Variants in SDK2 observed in about 807,000 individuals in gnomAD.
SDK2 encodes the protein sidekick cell adhesion molecule 2, also known as protein sidekick-2.
Under a neutral mutation model 253.9 loss-of-function variants are expected in SDK2, and 105 were observed. That is an observed-to-expected ratio of 0.41 (90% CI 0.35 to 0.49). SDK2 has a LOEUF of 0.49. Among genes scored for constraint, SDK2 ranks in the 20% least tolerant of loss-of-function variants. The pLI, the probability that SDK2 is intolerant of heterozygous loss-of-function variation, is 0.06. For missense variants in SDK2, 2,608 were observed against 3,003.0 expected, an observed-to-expected ratio of 0.87 and a Z score of 3.07; for synonymous variants, 1,249 against 1,234.9, an observed-to-expected ratio of 1.01 and a Z score of -0.24.
Position 73,643,958 on chromosome 17 carries a change from C to CCCCCCCCCCCCCCCCCCCCCCCCCA in SDK2, c.64+66_64+67insTGGGGGGGGGGGGGGGGGGGGGGGG. On this transcript the variant is annotated intron_variant, in intron 1 of 44. Coordinates refer to ENST00000392650, the MANE Select transcript of SDK2 (RefSeq NM_001144952.2). This position sits in a 1 kb window ranked among gnomAD's most constrained non-coding sequence, Gnocchi z 6.9. Reference sequence around the variant, plus strand: ...GAGGTCACCGTGAGGCCGGCCAGCTCCCGCCGCCCCTCCCCCGCCCACTCT... The same window carrying CCCCCCCCCCCCCCCCCCCCCCCCCA: ...GAGGTCACCGTGAGGCCGGCCAGCTCCCCCCCCCCCCCCCCCCCCCCCCCACCGCCGCCCCTCCCCCGCCCACTCT... The CCCCCCCCCCCCCCCCCCCCCCCCCA allele has an allele frequency of 1.3e-6, 1 of 794,246 alleles. No individual in the cohort carries two copies. Among genetic ancestry groups the CCCCCCCCCCCCCCCCCCCCCCCCCA allele is most frequent in the Non-Finnish European group, 2.1e-6 (1 of 477,666 alleles). 49.2% of individuals were successfully genotyped at this position (794,246 alleles called of 1,614,324 possible). A position where few individuals can be genotyped will look rare whatever the true frequency, so the allele number is the denominator to read the frequency against.
At chr17:73,367,571 C>T (rs1007380616) in intron 37 of SDK2, among the ~76,000 whole-genome samples, 14 of 152,042 alleles carry the variant, frequency 9.2e-5, no homozygotes, top group Admixed American at 3.9e-4. Flanking sequence ...AGCACAATCT[C>T]GGCTCACTGC....
intron 1 of SDK2, among the ~76,000 whole-genome samples, chr17:73,561,050 A>G (rs1599679682): frequency 6.6e-6 from 1 of 152,290 alleles, no homozygotes; most frequent in Admixed American, 6.5e-5. Flanking sequence ...GGTACAGGAA[A>G]GAGGAGAGAC....
At chr17:73,492,857 A>G (rs2063816066) in intron 2 of SDK2, among the ~76,000 whole-genome samples, 1 of 152,168 alleles carries the variant, frequency 6.6e-6, no homozygotes, top group Admixed American at 6.5e-5. Flanking sequence ...GGCAGCCCCC[A>G]GGAAGCAGGG....
intron 1 of SDK2, among the ~76,000 whole-genome samples, chr17:73,605,959 G>A (rs1013659777): frequency 6.7e-6 from 1 of 150,346 alleles, no homozygotes; most frequent in Non-Finnish European, 1.5e-5. Flanking sequence ...GTAGAGTTTG[G>A]TTTTTTCCTT....
Position 73,422,340 on chromosome 17 carries a change from A to G in SDK2, c.1992T>C (p.Arg664=), listed in dbSNP as rs2063239189. Residue 664 remains arginine (R), a synonymous_variant, in exon 15 of 45, where the codon CGT becomes CGC. Coordinates refer to ENST00000392650, the MANE Select transcript of SDK2 (RefSeq NM_001144952.2). ...TCCCCACGTCGTTGACGGCACAAAG[A>G]CGGAACTGGTAGGAGCGTGCAGGAA... ...GLVPARSYQF[R]LCAVNDVGKG... 2 of 1,613,800 alleles carry G rather than the reference A, an allele frequency of 1.2e-6. No homozygotes were observed. Among genetic ancestry groups the G allele is most frequent in the Non-Finnish European group, 8.5e-7 (1 of 1,179,868 alleles).
At chr17:73,638,141 G>A (rs1461771171) in intron 1 of SDK2, among the ~76,000 whole-genome samples, 1 of 152,250 alleles carries the variant, frequency 6.6e-6, no homozygotes, top group Non-Finnish European at 1.5e-5. Context: ...CAGCTCTGGA[G>A]ATGGGGCGAG....
intron 1 of SDK2, among the ~76,000 whole-genome samples, chr17:73,608,948 T>G (rs1567871076): frequency 6.6e-6 from 1 of 152,182 alleles, no homozygotes; most frequent in Non-Finnish European, 1.5e-5. Flanking sequence ...GCAACTGAAC[T>G]CTACATATAC....
chr17:73,569,451 G>A (rs2045353121), intron 1 of SDK2, among the ~76,000 whole-genome samples: 1 of 152,148 alleles, frequency 6.6e-6, no homozygotes, highest in Admixed American at 6.5e-5. Context: ...GCCCACCTGG[G>A]CCTCCCAAAG....
At chr17:73,354,543 C>T (rs1051437393) in intron 40 of SDK2, among the ~76,000 whole-genome samples, 3 of 152,056 alleles carry the variant, frequency 2.0e-5, no homozygotes, top group African/African-American at 7.2e-5. Flanking sequence ...GGTGGCAGTG[C>T]GGGGCTGATT....
intron 6 of SDK2, among the ~76,000 whole-genome samples, chr17:73,438,830 G>C (rs2063392495): frequency 6.6e-6 from 1 of 152,148 alleles, no homozygotes; most frequent in South Asian, 2.1e-4. Flanking sequence ...GCCCCTGCTA[G>C]TGCCATGGGG....
At chr17:73,588,388 A>AG (rs1491163586) in intron 1 of SDK2, among the ~76,000 whole-genome samples, 28 of 90,112 alleles carry the variant, frequency 3.1e-4, no homozygotes, top group African/African-American at 1.3e-3. Context: ...ACTCCATCTC[A>AG]AAAAAAAAAA....
At position 73,383,836 on chromosome 17, in the gene SDK2, C is replaced by A. The variant is rs1030747472; in HGVS notation, c.4705+40G>T. On this transcript the variant is annotated intron_variant, in intron 33 of 44. Transcript: ENST00000392650. The surrounding 1 kb of genome is among the most constrained non-coding windows in gnomAD (Gnocchi z 4.3). ...GAGCGGGAAGGTGAGGGTGACCGCCCCCATCCCACCCATTCCTCTGGCTCC... is the reference window on the plus strand; with the variant it reads ...GAGCGGGAAGGTGAGGGTGACCGCCACCATCCCACCCATTCCTCTGGCTCC... 3.7e-6 allele frequency: 6 copies of A among 1,609,622 alleles called. No homozygotes were observed. The highest frequency in any genetic ancestry group is 1.3e-5 in the African/African-American group (1 of 74,862).
At chr17:73,494,823 C>G (rs1001884273) in intron 2 of SDK2, among the ~76,000 whole-genome samples, 1 of 152,236 alleles carries the variant, frequency 6.6e-6, no homozygotes, top group Admixed American at 6.5e-5. Flanking sequence ...CAGGAGGGGG[C>G]CTCCCAGGCC....
chr17:73,565,864 G>A (rs2045303983), intron 1 of SDK2, among the ~76,000 whole-genome samples: 1 of 152,114 alleles, frequency 6.6e-6, no homozygotes, highest in Non-Finnish European at 1.5e-5. Flanking sequence ...TGGCCCTGTC[G>A]CCAGGCTGTA....
intron 1 of SDK2, among the ~76,000 whole-genome samples, chr17:73,614,144 G>C (rs576565369): frequency 1.4e-5 from 2 of 142,376 alleles, no homozygotes; most frequent in African/African-American, 5.3e-5. Context: ...TTCATACTCA[G>C]CTGCTTTTCA....
At chr17:73,488,714 G>A (rs1322023798) in intron 2 of SDK2, among the ~76,000 whole-genome samples, 1 of 152,086 alleles carries the variant, frequency 6.6e-6, no homozygotes, top group Non-Finnish European at 1.5e-5. Context: ...CCAAGGCAAA[G>A]TGCCATAAGT....
chr17:73,510,862 G>T (rs34889528), intron 1 of SDK2, among the ~76,000 whole-genome samples: 1 of 152,052 alleles, frequency 6.6e-6, no homozygotes, highest in Non-Finnish European at 1.5e-5. Flanking sequence ...CTTAACAAGC[G>T]TCAGGTGAAC....
At chr17:73,625,808 C>T (rs1462873414) in intron 1 of SDK2, among the ~76,000 whole-genome samples, 3 of 152,036 alleles carry the variant, frequency 2.0e-5, no homozygotes. Flanking sequence ...CCACACCTGG[C>T]TAATTTTTGT....
At chr17:73,397,071 G>A (rs2062977169) in intron 24 of SDK2, among the ~76,000 whole-genome samples, 1 of 152,230 alleles carries the variant, frequency 6.6e-6, no homozygotes, top group Non-Finnish European at 1.5e-5. Flanking sequence ...TTTGCACAAT[G>A]AGTGAGATCT....
Sources: allele counts gnomAD v4.1 joint callset (sites outside exome capture counted in the v4.1 genomes callset), GRCh38; gene constraint gnomAD v4.1.1; non-coding constraint Gnocchi (gnomAD v3.1); transcripts MANE v1.5; gene names NCBI Gene and HGNC (gene_info 2026-07-23, HGNC 2026-07-21).